CFAP161: variants seen among roughly 807,000 people sequenced by gnomAD.
CFAP161 encodes the protein cilia- and flagella-associated protein 161.
A neutral mutation model predicts 29.0 loss-of-function variants in CFAP161; 25 were observed. That is an observed-to-expected ratio of 0.86 (90% CI 0.63 to 1.20). CFAP161 has a LOEUF of 1.20. Among genes scored for constraint, CFAP161 ranks in the 50% most tolerant of loss-of-function variants. The pLI is 0.00. For synonymous variants in CFAP161, 116 were observed against 137.4 expected, an observed-to-expected ratio of 0.84 and a Z score of 1.09; for missense variants, 367 against 371.9, an observed-to-expected ratio of 0.99 and a Z score of 0.11.
chr15:81,122,605 C>T (rs1402233053), intron 1 of CFAP161, among the ~76,000 whole-genome samples: 1 of 151,772 alleles, frequency 6.6e-6, no homozygotes, highest in Non-Finnish European at 1.5e-5. Context: ...GATTCACCTG[C>T]CTTAGCCTCC....
chr15:81,130,639 G>A (rs1439778558), upstream of CFAP161, among the ~76,000 whole-genome samples: 2 of 152,220 alleles, frequency 1.3e-5, no homozygotes, highest in African/African-American at 4.8e-5. Context: ...GGTGGAGGTT[G>A]TAGTGAGCCA....
At chr15:81,105,167 T>C (rs111257518) in intron 1 of CFAP161, among the ~76,000 whole-genome samples, 16,323 of 32,152 alleles carry the variant, frequency 0.51, 4,955 homozygotes, top group East Asian at 0.83. Flanking sequence ...CTCCCTTCCT[T>C]CCTCCCTCCC....
chr15:81,104,411 G>T (rs549081226), intron 1 of CFAP161, among the ~76,000 whole-genome samples: 3 of 152,188 alleles, frequency 2.0e-5, no homozygotes, highest in Non-Finnish European at 2.9e-5. Context: ...TACCCAGGTC[G>T]TCTGAACTGA....
At chr15:81,130,402 T>C (rs1894695131), upstream of CFAP161, among the ~76,000 whole-genome samples, 1 of 152,216 alleles carries the variant, frequency 6.6e-6, no homozygotes, top group Non-Finnish European at 1.5e-5. Context: ...AGTTTAATCA[T>C]ATCTAGCTTT....
At chr15:81,100,747 A>G (rs1209939846) in intron 1 of CFAP161, among the ~76,000 whole-genome samples, 1 of 147,986 alleles carries the variant, frequency 6.8e-6, no homozygotes, top group East Asian at 2.0e-4. Flanking sequence ...CATGTTGGCC[A>G]GGCTGTTCTA....
chr15:81,133,841 T>C (rs993502860), upstream of CFAP161, among the ~76,000 whole-genome samples: 3 of 152,140 alleles, frequency 2.0e-5, no homozygotes, highest in African/African-American at 7.2e-5. Flanking sequence ...CTATGCGATT[T>C]TGGTTTCCAA....
At chr15:81,120,858 T>G (rs1365810593) in intron 1 of CFAP161, among the ~76,000 whole-genome samples, 1 of 152,214 alleles carries the variant, frequency 6.6e-6, no homozygotes, top group Non-Finnish European at 1.5e-5. Flanking sequence ...AACCTAAAAC[T>G]AGATAAACTA....
chr15:81,143,921 C>T lies in CFAP161; in HGVS notation c.636+101C>T. On this transcript the variant is annotated intron_variant, in intron 5 of 6. Coordinates refer to ENST00000286732, the MANE Select transcript of CFAP161 (RefSeq NM_173528.4). ...GACTTATAGCTCAAATGCCTTATGACTTTCTCTCTCTTTTCTGTCTTTTTT... is the reference window on the plus strand; with the variant it reads ...GACTTATAGCTCAAATGCCTTATGATTTTCTCTCTCTTTTCTGTCTTTTTT... 3 of 1,271,266 alleles carry T rather than the reference C, an allele frequency of 2.4e-6. No individual in the cohort carries two copies. The East Asian group carries it at 7.4e-5, about 31-fold the overall frequency. 78.7% of individuals were successfully genotyped at this position (1,271,266 alleles called of 1,614,324 possible).
intron 1 of CFAP161, among the ~76,000 whole-genome samples, chr15:81,107,136 G>A (rs976004361): frequency 6.6e-6 from 1 of 152,198 alleles, no homozygotes; most frequent in African/African-American, 2.4e-5. Context: ...TGAGGTGCCT[G>A]GAGGAATTTG....
upstream of CFAP161, among the ~76,000 whole-genome samples, chr15:81,132,161 CAGGTACTCAGG>C (rs1894720537): frequency 6.6e-6 from 1 of 152,056 alleles, no homozygotes; most frequent in African/African-American, 2.4e-5. Context: ...CCTTTAGCCC[CAGGTACTCAGG>C]AGGCTGAGGC....
intron 1 of CFAP161, among the ~76,000 whole-genome samples, chr15:81,100,122 T>G (rs1369452818): frequency 1.3e-5 from 2 of 151,840 alleles, no homozygotes. Flanking sequence ...TCTGCCTGTC[T>G]GCATCCCAGG....
chr15:81,143,637 T>G (rs373253193), intron 4 of CFAP161, 25 bp from the exon 5 acceptor site: 88 of 1,602,674 alleles, frequency 5.5e-5, no homozygotes, highest in Non-Finnish European at 7.3e-5. Context: ...TCTGACTTAG[T>G]GCATCTGCTT....
chr15:81,113,274 A>G (rs1193142463), intron 1 of CFAP161, among the ~76,000 whole-genome samples: 1 of 152,170 alleles, frequency 6.6e-6, no homozygotes, highest in Non-Finnish European at 1.5e-5. Flanking sequence ...TCCAGGAAAT[A>G]GACTTCAGCA....
In CFAP161 at chr15:81,148,821, T is replaced by A. The variant is rs1018986541; in HGVS notation, c.*288T>A. 12 of 267,506 alleles carry A rather than the reference T, an allele frequency of 4.5e-5. No homozygotes were observed. Among genetic ancestry groups the A allele is most frequent in the African/African-American group, 8.7e-5 (4 of 46,144 alleles). The allele number at this position is 267,506 out of a possible 1,614,324, so 16.6% of individuals were successfully genotyped here. ...CAGCTTCCTCTACTTATATCCTTCATTGTCTACAAGGACAGTGCGTTACTT... is the reference window on the plus strand; with the variant it reads ...CAGCTTCCTCTACTTATATCCTTCAATGTCTACAAGGACAGTGCGTTACTT... On this transcript the variant is annotated 3_prime_UTR_variant, in exon 7 of 7. Coordinates refer to ENST00000286732, the MANE Select transcript of CFAP161 (RefSeq NM_173528.4).
chr15:81,104,851 G>A (rs1465864787), intron 1 of CFAP161, among the ~76,000 whole-genome samples: 1 of 152,166 alleles, frequency 6.6e-6, no homozygotes. Flanking sequence ...TATATGGCAT[G>A]TTGGTTTTCT....
chr15:81,120,273 A>G (rs1894555447), intron 1 of CFAP161, among the ~76,000 whole-genome samples: 1 of 152,148 alleles, frequency 6.6e-6, no homozygotes, highest in Non-Finnish European at 1.5e-5. Context: ...TAAACAAGAA[A>G]ACTAATACCT....
chr15:81,105,428 T>C (rs952134835), intron 1 of CFAP161, among the ~76,000 whole-genome samples: 5 of 149,162 alleles, frequency 3.4e-5, no homozygotes, highest in African/African-American at 1.0e-4. Flanking sequence ...TTCTCTTCTT[T>C]CTTTTCTGAG....
intron 1 of CFAP161, among the ~76,000 whole-genome samples, chr15:81,113,536 T>C (rs1164561361): frequency 1.3e-5 from 2 of 152,152 alleles, no homozygotes; most frequent in African/African-American, 2.4e-5. Context: ...CCTCCTCAAG[T>C]TCAATTATTT....
chr15:81,120,038 C>T (rs772191839), intron 1 of CFAP161, among the ~76,000 whole-genome samples: 2 of 152,024 alleles, frequency 1.3e-5, no homozygotes, highest in African/African-American at 2.4e-5. Context: ...GCCCAGTTTT[C>T]CTAAATAATA....
Sources: gnomAD v4.1 joint callset for allele counts (sites outside exome capture counted in the v4.1 genomes callset) on GRCh38, gnomAD v4.1.1 for gene constraint, MANE v1.5 for transcripts, NCBI Gene and HGNC (gene_info 2026-07-23, HGNC 2026-07-21) for gene names.